AGAP1: variants seen among roughly 807,000 people sequenced by gnomAD.
The protein encoded by AGAP1 is arf-GAP with GTPase, ANK repeat and PH domain-containing protein 1.
A neutral mutation model predicts 105.3 loss-of-function variants in AGAP1; 29 were observed. That is an observed-to-expected ratio of 0.28 (90% CI 0.21 to 0.38). The LOEUF is 0.38. Ranked by LOEUF, AGAP1 falls within the 10% of genes least tolerant of loss-of-function variation. The probability of loss-of-function intolerance (pLI) is 1.00; values close to 1 mark genes in which losing one functional copy is unlikely to be tolerated. For missense variants in AGAP1, 998 were observed against 1,165.1 expected (o/e 0.86, Z 2.09); for synonymous variants, 509 against 485.9 (o/e 1.05, Z -0.63).
rs1289424856 is a variant in AGAP1, at chr2:236,020,768, G to A, written c.1646-15793G>A. Reference sequence around the variant, plus strand: ...TAGAAAAATGACCCAAAGACTCCATGGAGAATATCTGTGGACTATTCAGTA... The same window carrying A: ...TAGAAAAATGACCCAAAGACTCCATAGAGAATATCTGTGGACTATTCAGTA... On this transcript the variant is annotated intron_variant, in intron 13 of 17. Coordinates refer to ENST00000304032, the MANE Select transcript of AGAP1 (RefSeq NM_001037131.3). This position sits in a 1 kb window ranked among gnomAD's most constrained non-coding sequence, Gnocchi z 5.0. Among the ~76,000 whole-genome samples the A allele has an allele frequency of 2.6e-5, 4 of 152,216 alleles. No homozygotes were observed. Among genetic ancestry groups the A allele is most frequent in the Non-Finnish European group, 5.9e-5 (4 of 68,042 alleles).
At chr2:235,800,502 A>T (rs1015879116) in intron 8 of AGAP1, among the ~76,000 whole-genome samples, 1 of 152,188 alleles carries the variant, frequency 6.6e-6, no homozygotes, top group African/African-American at 2.4e-5. Flanking sequence ...TTCCCTGTGC[A>T]TAGCAGACAT....
rs925132762 is a variant in AGAP1 at position 235,716,465 on chromosome 2, G to A, written c.223-1092G>A. Among the ~76,000 whole-genome samples, 28 of 152,080 alleles carry A rather than the reference G, an allele frequency of 1.8e-4. No individual in the cohort carries two copies. The highest frequency in any genetic ancestry group is 3.7e-4 in the Non-Finnish European group (25 of 68,028). ...AGAGCTTCAGATAATTTGAGTGGAGGCAGGAGGGAGGTCAACAAGTGGAAC... is the reference window on the plus strand; with the variant it reads ...AGAGCTTCAGATAATTTGAGTGGAGACAGGAGGGAGGTCAACAAGTGGAAC... On this transcript the variant is annotated intron_variant, in intron 2 of 17. Transcript: ENST00000304032. This position sits in a 1 kb window ranked among gnomAD's most constrained non-coding sequence, Gnocchi z 4.0.
chr2:235,727,641 T>C (rs1951713266), intron 3 of AGAP1, among the ~76,000 whole-genome samples: 1 of 152,216 alleles, frequency 6.6e-6, no homozygotes, highest in Non-Finnish European at 1.5e-5. Context: ...ATAATGTTTT[T>C]ACATCCTTCC....
chr2:236,070,968 A>T (rs942430012), intron 16 of AGAP1, among the ~76,000 whole-genome samples: 4 of 152,258 alleles, frequency 2.6e-5, no homozygotes, highest in African/African-American at 9.6e-5. Context: ...CAAAGCTGTT[A>T]GAAAAAAGAA....
At chr2:235,812,904 C>G (rs886600794) in intron 9 of AGAP1, among the ~76,000 whole-genome samples, 4 of 152,222 alleles carry the variant, frequency 2.6e-5, no homozygotes, top group African/African-American at 9.6e-5. Flanking sequence ...TCCCCAGAAG[C>G]AGATAATTTA....
chr2:235,840,460 T>G (rs899631691), intron 9 of AGAP1, among the ~76,000 whole-genome samples: 1 of 152,246 alleles, frequency 6.6e-6, no homozygotes, highest in Non-Finnish European at 1.5e-5. Flanking sequence ...TTTTCTATAC[T>G]TCTCCCTTTA....
At chr2:235,512,616 T>A (rs1942196518) in intron 1 of AGAP1, among the ~76,000 whole-genome samples, 1 of 151,698 alleles carries the variant, frequency 6.6e-6, no homozygotes, top group Non-Finnish European at 1.5e-5. Flanking sequence ...AATCAATCAA[T>A]CAGTCAATCC....
Position 235,927,523 on chromosome 2 carries a change from G to C in AGAP1, c.1325-3242G>C, listed in dbSNP as rs1044038865. 6.6e-6 allele frequency among the ~76,000 whole-genome samples: 1 copy of C among 152,168 alleles called. No homozygotes were observed. Among genetic ancestry groups the C allele is most frequent in the Non-Finnish European group, 1.5e-5 (1 of 68,026 alleles). ...TCTCTCCCTTCCTTTTTGGCAGTGT[G>C]ATGTTTGGCCATGAGATGAAGAACT... On this transcript the variant is annotated intron_variant, in intron 11 of 17. Transcript: ENST00000304032. The surrounding 1 kb of genome is among the most constrained non-coding windows in gnomAD (Gnocchi z 4.4).
In AGAP1 at chr2:235,874,055, GTTTTGT is replaced by G. The variant is rs1039230878; in HGVS notation, c.1051-9274_1051-9269del. 6.6e-6 allele frequency among the ~76,000 whole-genome samples: 1 copy of G among 150,832 alleles called. No individual in the cohort carries two copies. The highest frequency in any genetic ancestry group is 1.5e-5 in the Non-Finnish European group (1 of 67,762). ...AGAACCGCATTCTGTTTTTTGTTTTGTTTTGTTTTTGTTTTTGTTTTGAGACAGGGT... is the reference window on the plus strand; with the variant it reads ...AGAACCGCATTCTGTTTTTTGTTTTGTTTTGTTTTTGTTTTGAGACAGGGT... On this transcript the variant is annotated intron_variant, in intron 9 of 17. Transcript: ENST00000304032. The surrounding 1 kb of genome is among the most constrained non-coding windows in gnomAD (Gnocchi z 4.5).
intron 6 of AGAP1, among the ~76,000 whole-genome samples, chr2:235,764,164 C>T (rs949785548): frequency 3.9e-5 from 6 of 152,348 alleles, no homozygotes; most frequent in Non-Finnish European, 8.8e-5. Flanking sequence ...CTTTTATCGG[C>T]ACATGAGCAC....
chr2:235,678,357 A>G (rs1250080936), intron 1 of AGAP1, among the ~76,000 whole-genome samples: 2 of 152,218 alleles, frequency 1.3e-5, no homozygotes, highest in African/African-American at 2.4e-5. Flanking sequence ...TGTTCCTAGT[A>G]TTAGAGAAAC....
At chr2:235,802,476 T>A (rs1368283027) in intron 8 of AGAP1, among the ~76,000 whole-genome samples, 1 of 3,568 alleles carries the variant, frequency 2.8e-4, no homozygotes, top group Admixed American at 3.0e-3. Context: ...AATCCAGCTG[T>A]CCCATGGCAT....
intron 1 of AGAP1, among the ~76,000 whole-genome samples, chr2:235,530,653 C>T (rs1371483506): frequency 2.0e-5 from 3 of 152,194 alleles, no homozygotes; most frequent in South Asian, 2.1e-4. Flanking sequence ...TCCATCCTGA[C>T]GTCCCCTTCT....
At chr2:235,561,823 T>G (rs1280186869) in intron 1 of AGAP1, among the ~76,000 whole-genome samples, 1 of 152,200 alleles carries the variant, frequency 6.6e-6, no homozygotes, top group East Asian at 1.9e-4. Flanking sequence ...CGCTTCTGTT[T>G]GCAGAGGAGA....
At position 235,865,873 on chromosome 2, in the gene AGAP1, C is replaced by G. The variant is rs571687387; in HGVS notation, c.1051-17472C>G. On this transcript the variant is annotated intron_variant, in intron 9 of 17. Transcript: ENST00000304032. The surrounding 1 kb of genome is among the most constrained non-coding windows in gnomAD (Gnocchi z 6.2). Reference sequence around the variant, plus strand: ...GGATGTGAATTTGCCAGAAGTTTTCCGTTTGTGGAGGACTGGGGAAAGCCA... The same window carrying G: ...GGATGTGAATTTGCCAGAAGTTTTCGGTTTGTGGAGGACTGGGGAAAGCCA... Among the ~76,000 whole-genome samples, 1 of 152,116 alleles carries G rather than the reference C, an allele frequency of 6.6e-6. No individual in the cohort carries two copies. Among genetic ancestry groups the G allele is most frequent in the Non-Finnish European group, 1.5e-5 (1 of 68,038 alleles).
chr2:235,676,715 T>C (rs1447799786), intron 1 of AGAP1, among the ~76,000 whole-genome samples: 2 of 152,250 alleles, frequency 1.3e-5, no homozygotes, highest in African/African-American at 4.8e-5. Context: ...TGGTTTTTGT[T>C]TCTGATAGGA....
chr2:235,924,270 G>GT (rs1480011123), intron 11 of AGAP1, among the ~76,000 whole-genome samples: 1 of 152,112 alleles, frequency 6.6e-6, no homozygotes, highest in African/African-American at 2.4e-5. Context: ...AAGCTGCAGT[G>GT]TCCCCTGGAG....
intron 13 of AGAP1, among the ~76,000 whole-genome samples, chr2:236,017,030 T>C (rs1055496026): frequency 6.6e-6 from 1 of 152,128 alleles, no homozygotes; most frequent in African/African-American, 2.4e-5. Flanking sequence ...GGCTCATACC[T>C]GTAATCCCAG....
intron 9 of AGAP1, among the ~76,000 whole-genome samples, chr2:235,807,550 G>A (rs887866315): frequency 2.0e-5 from 3 of 152,212 alleles, no homozygotes; most frequent in African/African-American, 4.8e-5. Flanking sequence ...AATGAAGTGC[G>A]GGCTGCCCGC....
Sources: allele counts gnomAD v4.1 joint callset (sites outside exome capture counted in the v4.1 genomes callset), GRCh38; gene constraint gnomAD v4.1.1; non-coding constraint Gnocchi (gnomAD v3.1); transcripts MANE v1.5; gene names NCBI Gene and HGNC (gene_info 2026-07-23, HGNC 2026-07-21).